Variants in KCNQ5 observed in about 807,000 individuals in gnomAD.
KCNQ5 encodes potassium voltage-gated channel subfamily KQT member 5.
KCNQ5 carries 30 observed loss-of-function variants against 98.2 expected under a neutral mutation model. The ratio of observed to expected loss-of-function variants is 0.31; its 90% confidence interval spans 0.23 to 0.41. The LOEUF (loss-of-function observed/expected upper bound fraction) is 0.41. Ranked by LOEUF, KCNQ5 falls within the 10% of genes least tolerant of loss-of-function variation. The pLI, the probability that KCNQ5 is intolerant of heterozygous loss-of-function variation, is 1.00. For synonymous variants in KCNQ5, 458 were observed against 449.4 expected (o/e 1.02, Z -0.24); for missense variants, 835 against 1,182.5 (o/e 0.71, Z 4.31).
chr6:72,819,183 G>A (rs915047239), intron 1 of KCNQ5, among the ~76,000 whole-genome samples: 4 of 151,754 alleles, frequency 2.6e-5, no homozygotes, highest in Non-Finnish European at 5.9e-5. Context: ...TGGGTACATC[G>A]TAGGTGTATA....
intron 1 of KCNQ5, among the ~76,000 whole-genome samples, chr6:72,737,896 C>G (rs1317261811): frequency 6.6e-6 from 1 of 152,116 alleles, no homozygotes; most frequent in Non-Finnish European, 1.5e-5. Flanking sequence ...TGGCTCACAC[C>G]TCTAATCCCA....
At chr6:72,851,723 C>A (rs1224024176) in intron 1 of KCNQ5, among the ~76,000 whole-genome samples, 1 of 152,034 alleles carries the variant, frequency 6.6e-6, no homozygotes, top group Non-Finnish European at 1.5e-5. Context: ...TCTGTAAACA[C>A]TTTAGGGGCA....
chr6:72,764,503 T>G (rs1772464074), intron 1 of KCNQ5, among the ~76,000 whole-genome samples: 1 of 151,990 alleles, frequency 6.6e-6, no homozygotes, highest in South Asian at 2.1e-4. Context: ...TATGTGTATA[T>G]ATTTACGGGG....
At chr6:72,829,205 C>A (rs978903103) in intron 1 of KCNQ5, among the ~76,000 whole-genome samples, 6 of 152,072 alleles carry the variant, frequency 3.9e-5, no homozygotes, top group Non-Finnish European at 8.8e-5. Context: ...TGCAGCAGGA[C>A]CGCTTATGGA....
chr6:73,026,332 C>T (rs1257064283), intron 2 of KCNQ5, among the ~76,000 whole-genome samples: 1 of 152,184 alleles, frequency 6.6e-6, no homozygotes, highest in East Asian at 1.9e-4. Context: ...TCTCCTTTTA[C>T]CCAGTCTACT....
chr6:72,735,423 T>A (rs1770776178), intron 1 of KCNQ5, among the ~76,000 whole-genome samples: 1 of 152,200 alleles, frequency 6.6e-6, no homozygotes, highest in Admixed American at 6.5e-5. Context: ...GCCATTGTTA[T>A]AATAAACAGC....
intron 1 of KCNQ5, among the ~76,000 whole-genome samples, chr6:72,913,063 T>G (rs1286459224): frequency 6.6e-6 from 1 of 152,134 alleles, no homozygotes; most frequent in African/African-American, 2.4e-5. Context: ...AAAATGAAAG[T>G]TTTTTTAATG....
In KCNQ5 at chr6:72,649,971, A is replaced by T. The variant is rs564348055; in HGVS notation, c.398+27384A>T. On this transcript the variant is annotated intron_variant, in intron 1 of 13. Coordinates refer to ENST00000370398, the MANE Select transcript of KCNQ5 (RefSeq NM_019842.4). ...TTAATACAAACAGTCTCTCATTGCA[A>T]GTGCTATGTTTTTTCTGACCATTAC... Among the ~76,000 whole-genome samples the T allele has an allele frequency of 2.0e-5, 3 of 152,240 alleles. No homozygotes were observed. The South Asian group carries it at 6.2e-4, about 32-fold the overall frequency.
intron 10 of KCNQ5, among the ~76,000 whole-genome samples, chr6:73,152,536 T>G (rs1272868865): frequency 6.6e-6 from 1 of 152,224 alleles, no homozygotes; most frequent in East Asian, 1.9e-4. Flanking sequence ...CTTATATCTG[T>G]GAAGATATTA....
intron 1 of KCNQ5, among the ~76,000 whole-genome samples, chr6:72,708,299 G>T (rs946524301): frequency 6.6e-6 from 1 of 151,880 alleles, no homozygotes; most frequent in African/African-American, 2.4e-5. Flanking sequence ...CATGTATTAA[G>T]ATATGAAATG....
chr6:72,926,766 C>T (rs960605075), intron 1 of KCNQ5, among the ~76,000 whole-genome samples: 5 of 152,106 alleles, frequency 3.3e-5, no homozygotes, highest in African/African-American at 1.2e-4. Flanking sequence ...TTCTGAAAAA[C>T]GTCCTAAGAT....
intron 1 of KCNQ5, among the ~76,000 whole-genome samples, chr6:72,709,951 A>G (rs1769280937): frequency 6.6e-6 from 1 of 152,222 alleles, no homozygotes; most frequent in African/African-American, 2.4e-5. Context: ...AGTAAATATT[A>G]TCATGGTGGG....
chr6:72,915,211 T>G (rs1780086126), intron 1 of KCNQ5, among the ~76,000 whole-genome samples: 1 of 152,158 alleles, frequency 6.6e-6, no homozygotes, highest in Admixed American at 6.5e-5. Context: ...TTTTTTCCAC[T>G]GAGGCAAAAT....
At position 72,896,431 on chromosome 6, in the gene KCNQ5, T is replaced by TA. The variant is rs541011612; in HGVS notation, c.399-107465dup. ...AAAAACAAAAAGTAATATCTACTTG[T>TA]AAAAAAAAAAAATACCTACTTGTAG... is the stretch of plus-strand genomic sequence containing the variant. On this transcript the variant is annotated intron_variant, in intron 1 of 13. Coordinates refer to ENST00000370398, the MANE Select transcript of KCNQ5 (RefSeq NM_019842.4). Among the ~76,000 whole-genome samples, 1,190 of 145,194 alleles carry TA rather than the reference T, an allele frequency of 8.2e-3. 15 individuals carry two copies. The highest frequency in any genetic ancestry group is 0.025 in the African/African-American group (1,010 of 39,878).
At chr6:72,764,222 G>A (rs797020356) in intron 1 of KCNQ5, among the ~76,000 whole-genome samples, 6 of 151,898 alleles carry the variant, frequency 4.0e-5, no homozygotes, top group African/African-American at 1.4e-4. Context: ...ATTCTAAATT[G>A]TACTCATTTG....
rs76344777 is a variant in KCNQ5 at position 72,661,173 on chromosome 6, G to A, written c.398+38586G>A. Among the ~76,000 whole-genome samples, 74 of 151,894 alleles carry A rather than the reference G, an allele frequency of 4.9e-4. No individual in the cohort carries two copies. The East Asian group carries it at 0.011, about 23-fold the overall frequency. ...TCTTGTCGAGAACTGAGCCACTAAT[G>A]TGTTATTTAATACTTATTTTCTTAG... On this transcript the variant is annotated intron_variant, in intron 1 of 13. Transcript: ENST00000370398.
chr6:73,042,538 C>A (rs192663514), intron 3 of KCNQ5, among the ~76,000 whole-genome samples: 179 of 152,256 alleles, frequency 1.2e-3, no homozygotes, highest in Non-Finnish European at 2.1e-3. Context: ...TACATTGGTA[C>A]TGGTAATGCA....
At chr6:72,684,980 C>T (rs754380379) in intron 1 of KCNQ5, among the ~76,000 whole-genome samples, 4 of 152,080 alleles carry the variant, frequency 2.6e-5, no homozygotes, top group Non-Finnish European at 4.4e-5. Context: ...TCTTGGCCTA[C>T]ACCATTGTCC....
At chr6:72,938,363 T>C (rs546185559) in intron 1 of KCNQ5, among the ~76,000 whole-genome samples, 2 of 152,194 alleles carry the variant, frequency 1.3e-5, no homozygotes, top group East Asian at 3.9e-4. Flanking sequence ...TGTACTAATA[T>C]CATAAAATTG....
Sources: allele counts gnomAD v4.1 joint callset (sites outside exome capture counted in the v4.1 genomes callset), GRCh38; gene constraint gnomAD v4.1.1; transcripts MANE v1.5; gene names NCBI Gene and HGNC (gene_info 2026-07-23, HGNC 2026-07-21).